CSMD3: variants seen among roughly 807,000 people sequenced by gnomAD.
The protein encoded by CSMD3 is CUB and Sushi multiple domains 3.
Under a neutral mutation model 435.2 loss-of-function variants are expected in CSMD3, and 177 were observed. That is an observed-to-expected ratio of 0.41 (90% CI 0.36 to 0.46). The LOEUF is 0.46. Ranked by LOEUF, CSMD3 falls within the 20% of genes least tolerant of loss-of-function variation. The probability of loss-of-function intolerance (pLI) is 0.34; values close to 1 mark genes in which losing one functional copy is unlikely to be tolerated. For synonymous variants in CSMD3, 1,656 were observed against 1,520.5 expected, an observed-to-expected ratio of 1.09 and a Z score of -2.07; for missense variants, 4,265 against 4,504.6, an observed-to-expected ratio of 0.95 and a Z score of 1.52.
At chr8:112,642,499 A>T (rs1189050256) in intron 20 of CSMD3, among the ~76,000 whole-genome samples, 1 of 152,194 alleles carries the variant, frequency 6.6e-6, no homozygotes, top group East Asian at 1.9e-4. Flanking sequence ...TGGTACATAT[A>T]CATTTTATTA....
chr8:113,334,287 TTTTTTTTTCA>T (rs1471857778), intron 1 of CSMD3, among the ~76,000 whole-genome samples: 2 of 92,226 alleles, frequency 2.2e-5, no homozygotes, highest in African/African-American at 6.4e-5. Context: ...GTTTTTTTTT[TTTTTTTTTCA>T]TTTCCAGCCT....
intron 13 of CSMD3, among the ~76,000 whole-genome samples, chr8:112,770,867 A>C (rs1029101588): frequency 2.0e-5 from 3 of 151,946 alleles, no homozygotes; most frequent in African/African-American, 7.2e-5. Context: ...TGATCTATTC[A>C]CTTAATTTTC....
chr8:112,838,879 A>G (rs231318), intron 11 of CSMD3, among the ~76,000 whole-genome samples: 148,782 of 151,720 alleles, frequency 0.98, 72,970 homozygotes, highest in Middle Eastern at 1. Context: ...TATGAAATTT[A>G]TGAAATAGGT....
At chr8:113,271,707 C>G (rs2093528718) in intron 3 of CSMD3, among the ~76,000 whole-genome samples, 1 of 152,154 alleles carries the variant, frequency 6.6e-6, no homozygotes, top group African/African-American at 2.4e-5. Context: ...AGCCCTCACA[C>G]AGAGTCCCTA....
intron 22 of CSMD3, among the ~76,000 whole-genome samples, chr8:112,630,504 C>T (rs1247840175): frequency 6.6e-6 from 1 of 152,042 alleles, no homozygotes; most frequent in African/African-American, 2.4e-5. Context: ...GAAATATTTA[C>T]ACAGGGTTCA....
intron 13 of CSMD3, among the ~76,000 whole-genome samples, chr8:112,724,911 T>G (rs1323938117): frequency 6.6e-6 from 1 of 152,058 alleles, no homozygotes; most frequent in Admixed American, 6.6e-5. Context: ...TGCTGATCTG[T>G]CAAGTAAAAA....
At chr8:112,909,435 A>G (rs1007554648) in intron 10 of CSMD3, among the ~76,000 whole-genome samples, 17 of 151,874 alleles carry the variant, frequency 1.1e-4, no homozygotes, top group Admixed American at 5.9e-4. Flanking sequence ...CAAATAATCG[A>G]AATAAGCCAC....
chr8:112,402,151 T>TA (rs1831398903), intron 35 of CSMD3, among the ~76,000 whole-genome samples: 1 of 152,202 alleles, frequency 6.6e-6, no homozygotes, highest in Non-Finnish European at 1.5e-5. Context: ...GAAGTTTTCT[T>TA]ATTTTCTTGT....
chr8:112,398,980 G>A (rs1388044047), intron 35 of CSMD3, among the ~76,000 whole-genome samples: 8 of 150,266 alleles, frequency 5.3e-5, no homozygotes, highest in Admixed American at 2.7e-4. Context: ...GCAGTGGTAC[G>A]ATCTCGGCTC....
At chr8:112,578,896 T>A (rs1014201228) in intron 23 of CSMD3, among the ~76,000 whole-genome samples, 2 of 152,004 alleles carry the variant, frequency 1.3e-5, no homozygotes, top group Non-Finnish European at 2.9e-5. Context: ...TGTTTTCCAA[T>A]CCCTGATTTT....
chr8:112,987,788 C>G (rs2085308863), intron 6 of CSMD3, among the ~76,000 whole-genome samples: 1 of 152,030 alleles, frequency 6.6e-6, no homozygotes, highest in Non-Finnish European at 1.5e-5. Flanking sequence ...CTGATTGCCT[C>G]CAGGTCCTCC....
chr8:112,452,204 T>C (rs1443629385), intron 32 of CSMD3, among the ~76,000 whole-genome samples: 1 of 152,208 alleles, frequency 6.6e-6, no homozygotes, highest in Non-Finnish European at 1.5e-5. Flanking sequence ...TCAGAATAGT[T>C]ATAAAACAAC....
chr8:112,806,014 G>C (rs1302240201), intron 12 of CSMD3, among the ~76,000 whole-genome samples: 1 of 151,966 alleles, frequency 6.6e-6, no homozygotes, highest in Non-Finnish European at 1.5e-5. Context: ...TTGCAAAATT[G>C]CCAAACTGAG....
intron 50 of CSMD3, among the ~76,000 whole-genome samples, chr8:112,307,842 T>A (rs994469187): frequency 1.3e-5 from 2 of 152,022 alleles, no homozygotes; most frequent in Non-Finnish European, 2.9e-5. Flanking sequence ...GAAAGATGAG[T>A]TTAGTTTAAA....
intron 45 of CSMD3, among the ~76,000 whole-genome samples, chr8:112,328,877 C>T (rs775225896): frequency 2.6e-5 from 4 of 152,076 alleles, no homozygotes; most frequent in Admixed American, 1.3e-4. Flanking sequence ...TGGAACTGTG[C>T]GTCAATTAAA....
intron 32 of CSMD3, among the ~76,000 whole-genome samples, chr8:112,424,203 A>C (rs1434628927): frequency 6.6e-6 from 1 of 152,194 alleles, no homozygotes; most frequent in Non-Finnish European, 1.5e-5. Context: ...CAAAGCCCAG[A>C]TCGACGGCCA....
At chr8:112,716,956 C>A (rs1225222265) in intron 13 of CSMD3, among the ~76,000 whole-genome samples, 1 of 151,914 alleles carries the variant, frequency 6.6e-6, no homozygotes, top group African/African-American at 2.4e-5. Context: ...AATGTAAAAC[C>A]ATAAAAACCC....
chr8:112,703,759 T>A (rs1484380809), intron 13 of CSMD3, among the ~76,000 whole-genome samples: 1 of 152,110 alleles, frequency 6.6e-6, no homozygotes, highest in Non-Finnish European at 1.5e-5. Context: ...TATAGAATCA[T>A]GCAGCTAGAA....
chr8:113,173,116 T>C (rs1273119926), intron 4 of CSMD3, among the ~76,000 whole-genome samples: 1 of 152,178 alleles, frequency 6.6e-6, no homozygotes, highest in African/African-American at 2.4e-5. Flanking sequence ...GACAGCCTAA[T>C]TAAATTTCTA....
Sources: gnomAD v4.1 joint callset for allele counts (sites outside exome capture counted in the v4.1 genomes callset) on GRCh38, gnomAD v4.1.1 for gene constraint, MANE v1.5 for transcripts, NCBI Gene and HGNC (gene_info 2026-07-23, HGNC 2026-07-21) for gene names.